The following PCDH11X variants were observed in gnomAD, a reference collection of about 807,000 sequenced individuals.
PCDH11X encodes the protein protocadherin-11 X-linked.
PCDH11X carries 18 observed loss-of-function variants against 53.3 expected under a neutral mutation model. The observed-to-expected ratio is 0.34, with a 90% CI of 0.23 to 0.50. The LOEUF (loss-of-function observed/expected upper bound fraction) is 0.50. Ranked by LOEUF, PCDH11X falls within the 20% of genes least tolerant of loss-of-function variation. PCDH11X has a pLI of 0.98. For synonymous variants in PCDH11X, 279 were observed against 393.3 expected, an observed-to-expected ratio of 0.71 and a Z score of 3.44; for missense variants, 570 against 1,032.4, an observed-to-expected ratio of 0.55 and a Z score of 6.14.
intron 4 of PCDH11X, among the ~76,000 whole-genome samples, chrX:91,831,183 A>T (rs1421778027): frequency 9.0e-6 from 1 of 111,358 alleles, no homozygotes; most frequent in Non-Finnish European, 1.9e-5. Context: ...AATTGTCATT[A>T]TTGTGTCCCT....
At chrX:92,184,023 T>C (rs2066047797) in intron 6 of PCDH11X, among the ~76,000 whole-genome samples, 1 of 111,552 alleles carries the variant, frequency 9.0e-6, no homozygotes, top group Non-Finnish European at 1.9e-5. Flanking sequence ...CATTAGAATA[T>C]AATCTCAGGC....
intron 6 of PCDH11X, among the ~76,000 whole-genome samples, chrX:91,912,706 T>C (rs1941413610): frequency 9.2e-6 from 1 of 109,126 alleles, no homozygotes; most frequent in African/African-American, 3.3e-5. Flanking sequence ...GGATAATGTA[T>C]AGCTCCCACA....
intron 6 of PCDH11X, among the ~76,000 whole-genome samples, chrX:92,011,722 A>T (rs1483940212): frequency 3.6e-5 from 4 of 111,417 alleles, no homozygotes; most frequent in African/African-American, 1.3e-4. Flanking sequence ...AATTAGGTAG[A>T]TATACAGATT....
chrX:91,992,629 G>A (rs1473700065), intron 6 of PCDH11X, among the ~76,000 whole-genome samples: 1 of 98,340 alleles, frequency 1.0e-5, no homozygotes, highest in Non-Finnish European at 2.0e-5. Context: ...TGGTGTTGCT[G>A]TCAGGTTGCT....
chrX:92,273,565 C>A (rs1024556695), intron 8 of PCDH11X, among the ~76,000 whole-genome samples: 2 of 109,733 alleles, frequency 1.8e-5, no homozygotes, highest in Non-Finnish European at 3.8e-5. Flanking sequence ...AGTGTTGGGG[C>A]GGTGAAAATT....
At chrX:92,243,573 A>C (rs2067298930) in intron 7 of PCDH11X, among the ~76,000 whole-genome samples, 1 of 110,875 alleles carries the variant, frequency 9.0e-6, no homozygotes, top group African/African-American at 3.3e-5. Flanking sequence ...GAATTGTTTT[A>C]ATTATTCTAG....
intron 6 of PCDH11X, among the ~76,000 whole-genome samples, chrX:92,157,115 A>G (rs1218920252): frequency 8.9e-6 from 1 of 111,834 alleles, no homozygotes; most frequent in Non-Finnish European, 1.9e-5. Flanking sequence ...CATTTTCTAA[A>G]CCTAAAATTC....
At chrX:92,288,390 C>CTT (rs756662629) in intron 8 of PCDH11X, among the ~76,000 whole-genome samples, 1,684 of 94,788 alleles carry the variant, frequency 0.018, 51 homozygotes, top group African/African-American at 0.055. Flanking sequence ...TTAGTTACTT[C>CTT]TTTTTTTTTT....
chrX:92,554,501 G>A (rs1487860438), intron 10 of PCDH11X, among the ~76,000 whole-genome samples: 2 of 110,292 alleles, frequency 1.8e-5, no homozygotes, highest in Admixed American at 9.7e-5. Flanking sequence ...TAGAATCAGA[G>A]GGACTTTATT....
chrX:91,919,656 A>T (rs1469980162), intron 6 of PCDH11X, among the ~76,000 whole-genome samples: 1 of 111,523 alleles, frequency 9.0e-6, no homozygotes, highest in Non-Finnish European at 1.9e-5. Context: ...AGAAATAACC[A>T]TTAGAAAGTT....
chrX:92,308,298 C>T (rs2068873316), intron 8 of PCDH11X, among the ~76,000 whole-genome samples: 2 of 111,365 alleles, frequency 1.8e-5, no homozygotes, highest in Non-Finnish European at 3.8e-5. Context: ...GGTATGAATA[C>T]AGGTATATAG....
At chrX:92,043,996 C>T (rs1246083214) in intron 6 of PCDH11X, among the ~76,000 whole-genome samples, 3 of 111,200 alleles carry the variant, frequency 2.7e-5, no homozygotes, top group African/African-American at 9.8e-5. Flanking sequence ...GTTGAAATTC[C>T]TAAGGATATA....
At chrX:91,882,916 A>G (rs1320196915) in intron 6 of PCDH11X, 1 of 1,186,786 alleles carries the variant, frequency 8.4e-7, no homozygotes, top group Admixed American at 2.2e-5. Context: ...GACTGATTCC[A>G]GGACATCAAC....
chrX:92,123,031 C>T (rs1307367543), intron 6 of PCDH11X, among the ~76,000 whole-genome samples: 1 of 111,606 alleles, frequency 9.0e-6, no homozygotes, highest in Non-Finnish European at 1.9e-5. Flanking sequence ...ACCATTTACC[C>T]TATGCTTTAA....
intron 10 of PCDH11X, among the ~76,000 whole-genome samples, chrX:92,560,202 G>A (rs34027719): frequency 1.8e-5 from 2 of 111,141 alleles, no homozygotes; most frequent in African/African-American, 3.3e-5. Flanking sequence ...AGATACAACC[G>A]GGGCTGGAAG....
At chrX:92,199,744 AAAC>A (rs2066357508) in intron 6 of PCDH11X, among the ~76,000 whole-genome samples, 1 of 111,360 alleles carries the variant, frequency 9.0e-6, no homozygotes. Flanking sequence ...TTTTTGTACA[AAAC>A]AAAATAATTT....
intron 10 of PCDH11X, among the ~76,000 whole-genome samples, chrX:92,613,545 TTGTGTGTGTGTGTGTGTG>T (rs201132708): frequency 1.5e-5 from 1 of 65,539 alleles, no homozygotes. Flanking sequence ...GTTGTTGTTG[TTGTGTGTGTGTGTGTGTG>T]TGTGTGTGTG....
rs755881551 is a variant in PCDH11X, at chrX:91,936,246, G to A, written c.3033+56973G>A. 1.8e-4 allele frequency among the ~76,000 whole-genome samples: 20 copies of A among 109,496 alleles called. No homozygotes were observed. The South Asian group carries it at 1.9e-3, about 11-fold the overall frequency. On this transcript the variant is annotated intron_variant, in intron 6 of 10. Transcript: ENST00000682573. ...AATCCAGAGGGGGTGCGATGTTTCA[G>A]CAAAATGGGGTCTATTGGGGCAATA...
intron 4 of PCDH11X, among the ~76,000 whole-genome samples, chrX:91,821,716 T>A (rs1163073191): frequency 3.9e-5 from 4 of 103,685 alleles, no homozygotes; most frequent in Non-Finnish European, 7.6e-5. Context: ...CTATGTTGAA[T>A]AGGAGTGGTG....
Sources: allele counts gnomAD v4.1 joint callset (sites outside exome capture counted in the v4.1 genomes callset), GRCh38; gene constraint gnomAD v4.1.1; transcripts MANE v1.5; gene names NCBI Gene and HGNC (gene_info 2026-07-23, HGNC 2026-07-21).